The following MEI1 variants were observed in gnomAD, a reference collection of about 807,000 sequenced individuals.
MEI1 encodes the protein meiosis inhibitor protein 1.
In MEI1, 103 loss-of-function variants were observed where a neutral mutation model predicts 146.2. That is an observed-to-expected ratio of 0.70 (90% confidence interval 0.60 to 0.83). MEI1 has a LOEUF of 0.83. Ranked by LOEUF, MEI1 falls within the 40% of genes least tolerant of loss-of-function variation. The pLI is 0.00. For synonymous variants in MEI1, 652 were observed against 628.2 expected, an observed-to-expected ratio of 1.04 and a Z score of -0.57; for missense variants, 1,529 against 1,533.0, an observed-to-expected ratio of 1.00 and a Z score of 0.04.
At chr22:41,798,876 CAAA>C (rs36107725) in intron 30 of MEI1, among the ~76,000 whole-genome samples, 7 of 76,510 alleles carry the variant, frequency 9.1e-5, no homozygotes, top group South Asian at 3.8e-4. Context: ...GACTATGTCT[CAAA>C]AAAAAAAAAA....
At chr22:41,706,023 CTCT>C (rs1290203425) in intron 3 of MEI1, among the ~76,000 whole-genome samples, 1 of 150,252 alleles carries the variant, frequency 6.7e-6, no homozygotes, top group Non-Finnish European at 1.5e-5. Context: ...TTTTCTCTCT[CTCT>C]TCTTTTTGTT....
At chr22:41,708,206 G>A (rs960105351) in intron 3 of MEI1, among the ~76,000 whole-genome samples, 2 of 152,116 alleles carry the variant, frequency 1.3e-5, no homozygotes, top group Admixed American at 1.3e-4. Flanking sequence ...AAGGAAAAAA[G>A]GAGAGAGAAG....
intron 17 of MEI1, among the ~76,000 whole-genome samples, chr22:41,756,755 T>G (rs2074115319): frequency 6.6e-6 from 1 of 152,270 alleles, no homozygotes; most frequent in Admixed American, 6.5e-5. Flanking sequence ...ATTACCGGCT[T>G]GAGCCACCAC....
chr22:41,792,130 G>A (rs1358656473), intron 26 of MEI1, among the ~76,000 whole-genome samples: 1 of 152,176 alleles, frequency 6.6e-6, no homozygotes, highest in Non-Finnish European at 1.5e-5. Context: ...TGAGTATTAT[G>A]GTTTGTGAAT....
chr22:41,772,621 A>G (rs941899655), intron 20 of MEI1, among the ~76,000 whole-genome samples: 7 of 152,134 alleles, frequency 4.6e-5, no homozygotes, highest in African/African-American at 1.7e-4. Context: ...TGTACCTGCC[A>G]TTTTTTCTTT....
intron 11 of MEI1, among the ~76,000 whole-genome samples, chr22:41,739,747 T>C (rs768414): frequency 0.83 from 126,794 of 152,056 alleles, 53,825 homozygotes; most frequent in African/African-American, 0.96. Context: ...CTGGAAGTCT[T>C]CCAGCAGGAC....
rs2073183369 is a variant in MEI1 at position 41,745,023 on chromosome 22, G to T, written c.1497G>T (p.Lys499Asn). ...DSEKAILQRG[K>N]FLLSTLEGFR... ...AGAAGGCCATTCTTCAAAGGGGAAA[G>T]TTCCTCCTCAGCACTCTGGAGGGAT... Residue 499 changes from lysine to asparagine, a missense_variant, in exon 13 of 31, where the codon AAG becomes AAT. Lys to Asn is a moderately conservative substitution (Grantham distance 94, BLOSUM62 0). Transcript: ENST00000401548. The T allele has an allele frequency of 6.4e-7, 1 of 1,566,660 alleles. No individual in the cohort carries two copies. Among genetic ancestry groups the T allele is most frequent in the Non-Finnish European group, 8.7e-7 (1 of 1,154,956 alleles).
At chr22:41,794,531 G>A in intron 28 of MEI1, 54 bp downstream of exon 28, 1 of 1,443,848 alleles carries the variant, frequency 6.9e-7, no homozygotes, top group Non-Finnish European at 9.7e-7. Context: ...GCTGGGTGGT[G>A]CTGAAGAGGC....
intron 6 of MEI1, among the ~76,000 whole-genome samples, chr22:41,719,741 C>A (rs2070572250): frequency 6.6e-6 from 1 of 152,128 alleles, no homozygotes; most frequent in Admixed American, 6.5e-5. Flanking sequence ...CCCAACATAC[C>A]CTTTTAACGT....
chr22:41,758,880 C>T (rs554793721), intron 18 of MEI1, among the ~76,000 whole-genome samples: 2 of 152,246 alleles, frequency 1.3e-5, no homozygotes, highest in East Asian at 1.9e-4. Flanking sequence ...TGGTGGCTCA[C>T]GCCTGTAATC....
At position 41,713,980 on chromosome 22, in the gene MEI1, TAA is replaced by T; in HGVS notation, c.350-21_350-20del. ...TGGGTTGGGGGTGCCTCCTGGTTAG[TAA>T]TACTGTTGTGTCTGTTCAGTCCTTA... On this transcript the variant is annotated intron_variant, in intron 3 of 30. Coordinates refer to ENST00000401548, the MANE Select transcript of MEI1 (RefSeq NM_152513.4). 6.4e-7 allele frequency: 1 copy of T among 1,566,604 alleles called. No homozygotes were observed. The highest frequency in any genetic ancestry group is 8.7e-7 in the Non-Finnish European group (1 of 1,155,134).
intron 9 of MEI1, among the ~76,000 whole-genome samples, 196 bp downstream of exon 9, chr22:41,730,833 C>T (rs906384401): frequency 5.3e-5 from 8 of 152,086 alleles, no homozygotes; most frequent in Admixed American, 2.0e-4. Flanking sequence ...CGCTGATTAT[C>T]GGAAGTATAT....
rs543951535 is a variant in MEI1, at chr22:41,703,981, C to T, written c.298+527C>T. Among the ~76,000 whole-genome samples the T allele has an allele frequency of 1.6e-4, 25 of 152,142 alleles. 1 individual carries two copies. The South Asian group carries it at 4.4e-3, about 27-fold the overall frequency. ...AGCCTGGGTGACAGAGCAAGAGTCC[C>T]GTCTCAACAAAAATAAAAATTCTTC... is the stretch of plus-strand genomic sequence containing the variant. On this transcript the variant is annotated intron_variant, in intron 2 of 30. Transcript: ENST00000401548.
At chr22:41,724,803 CTTT>C (rs74762751) in intron 7 of MEI1, among the ~76,000 whole-genome samples, 14 of 138,932 alleles carry the variant, frequency 1.0e-4, no homozygotes, top group Non-Finnish European at 7.9e-5. Flanking sequence ...TTTGTAAATT[CTTT>C]TTTTTTTTTT....
In MEI1 at chr22:41,716,161, G is replaced by A. The variant is rs956684621; in HGVS notation, c.529+15G>A. The stretch of plus-strand genomic sequence containing the variant: ...AATGGAGCATGGTGAGTGACCTGTG[G>A]GAGGAGCTGCCACTACCCTTTTACC... On this transcript the variant is annotated intron_variant, in intron 5 of 30. Transcript: ENST00000401548. 17 of 1,569,304 alleles carry A rather than the reference G, an allele frequency of 1.1e-5. No homozygotes were observed. Among genetic ancestry groups the A allele is most frequent in the Non-Finnish European group, 1.4e-5 (16 of 1,148,512 alleles).
chr22:41,737,165 A>T (rs2072446321), intron 11 of MEI1, among the ~76,000 whole-genome samples: 1 of 152,116 alleles, frequency 6.6e-6, no homozygotes, highest in Non-Finnish European at 1.5e-5. Flanking sequence ...TTCAAGTCTC[A>T]TTCAGAATTT....
Position 41,765,414 on chromosome 22 carries a change from G to A in MEI1, c.2268+2093G>A, listed in dbSNP as rs375877819. Among the ~76,000 whole-genome samples the A allele has an allele frequency of 2.2e-4, 33 of 152,238 alleles. No homozygotes were observed. In the East Asian group the frequency reaches 4.6e-3, roughly 21 times the overall value. On this transcript the variant is annotated intron_variant, in intron 19 of 30. Transcript: ENST00000401548. ...GAGGATTACTTGAGCGCAAGAGGTCGAGGCTGCAGTGAGCCATGTTCATGC... is the reference window on the plus strand; with the variant it reads ...GAGGATTACTTGAGCGCAAGAGGTCAAGGCTGCAGTGAGCCATGTTCATGC...
At position 41,784,338 on chromosome 22, in the gene MEI1, GGTTCACCAGACACTCTCTGT is replaced by G. The variant is rs775888887; in HGVS notation, c.3089_3108del (p.Val1030GlyfsTer97). ...TAGCCCTTTACCCTGTGCCCTGCCA[GGTTCACCAGACACTCTCTGT>G]GGAAATGGACCAAGTATTGAAGGCT... is the stretch of plus-strand genomic sequence containing the variant. On this transcript the variant is annotated frameshift_variant and splice_region_variant, in exon 25 of 31. Transcript: ENST00000401548. LOFTEE classifies it high-confidence loss of function. 2 of 1,613,618 alleles carry G rather than the reference GGTTCACCAGACACTCTCTGT, an allele frequency of 1.2e-6. No individual in the cohort carries two copies. Among genetic ancestry groups the G allele is most frequent in the Non-Finnish European group, 1.7e-6 (2 of 1,179,812 alleles).
chr22:41,738,199 A>G (rs1443504482), intron 11 of MEI1, among the ~76,000 whole-genome samples: 1 of 152,182 alleles, frequency 6.6e-6, no homozygotes, highest in African/African-American at 2.4e-5. Context: ...TCATGCCTGT[A>G]ATCCCAGCAC....
Sources: gnomAD v4.1 joint callset for allele counts (sites outside exome capture counted in the v4.1 genomes callset) on GRCh38, gnomAD v4.1.1 for gene constraint, MANE v1.5 for transcripts, NCBI Gene and HGNC (gene_info 2026-07-23, HGNC 2026-07-21) for gene names.